The following VPS13B variants were observed in gnomAD, a reference collection of about 807,000 sequenced individuals.
The protein encoded by VPS13B is vacuolar protein sorting 13 homolog B, also known as intermembrane lipid transfer protein VPS13B.
In VPS13B, 285 loss-of-function variants were observed where a neutral mutation model predicts 426.4. The observed-to-expected ratio is 0.67, with a 90% CI of 0.61 to 0.74. The LOEUF (loss-of-function observed/expected upper bound fraction) is 0.74. Ranked by LOEUF, VPS13B falls within the 30% of genes least tolerant of loss-of-function variation. The pLI, the probability that VPS13B is intolerant of heterozygous loss-of-function variation, is 0.00. For missense variants in VPS13B, 4,537 were observed against 4,782.6 expected (o/e 0.95, Z 1.51); for synonymous variants, 1,676 against 1,676.4 (o/e 1.00, Z 0.01).
chr8:99,083,956 A>C (rs1427346486), intron 3 of VPS13B, among the ~76,000 whole-genome samples: 2 of 151,536 alleles, frequency 1.3e-5, no homozygotes, highest in Admixed American at 6.6e-5. Context: ...TGGTATCAGG[A>C]TGATGCTGGC....
intron 17 of VPS13B, among the ~76,000 whole-genome samples, chr8:99,197,668 TTTTA>T (rs1814019739): frequency 6.6e-6 from 1 of 152,206 alleles, no homozygotes; most frequent in African/African-American, 2.4e-5. Flanking sequence ...TTATTTTTAA[TTTTA>T]TTTATTTGAG....
chr8:99,363,805 G>T (rs189602559), intron 19 of VPS13B, among the ~76,000 whole-genome samples: 1 of 152,056 alleles, frequency 6.6e-6, no homozygotes, highest in African/African-American at 2.4e-5. Flanking sequence ...ACTGATTTTT[G>T]TATGTTGATT....
chr8:99,212,665 C>CTTCCTACCTTCT (rs1302428894), intron 17 of VPS13B, among the ~76,000 whole-genome samples: 1 of 151,988 alleles, frequency 6.6e-6, no homozygotes, highest in East Asian at 1.9e-4. Context: ...GTCTTTTTCT[C>CTTCCTACCTTCT]TTCTTCTTCC....
chr8:99,326,452 C>CTTGTTTTTTTTTTTTTTTTTT (rs1810267861), intron 19 of VPS13B, among the ~76,000 whole-genome samples: 1 of 32,518 alleles, frequency 3.1e-5, no homozygotes, highest in Non-Finnish European at 5.2e-5. Context: ...CTCTAGGTAG[C>CTTGTTTTTTTTTTTTTTTTTT]TTTTTTTTTT....
chr8:99,590,385 A>G (rs1219239698), intron 33 of VPS13B, among the ~76,000 whole-genome samples: 1 of 151,868 alleles, frequency 6.6e-6, no homozygotes, highest in African/African-American at 2.4e-5. Flanking sequence ...TAGCTTTTGA[A>G]TTTGTTTGCT....
At chr8:99,659,024 G>C (rs1299946709) in intron 34 of VPS13B, among the ~76,000 whole-genome samples, 1 of 151,980 alleles carries the variant, frequency 6.6e-6, no homozygotes, top group Non-Finnish European at 1.5e-5. Flanking sequence ...TTGTAGAGCT[G>C]GGGTTTCACC....
In VPS13B at chr8:99,014,037, T is replaced by C. The variant is rs1587912807; in HGVS notation, c.147+102T>C. The C allele has an allele frequency of 2.7e-6, 4 of 1,500,018 alleles. No homozygotes were observed. In the East Asian group the frequency reaches 9.1e-5, roughly 34 times the overall value. The allele number at this position is 1,500,018 out of a possible 1,614,324, so 92.9% of individuals were successfully genotyped here. A position where few individuals can be genotyped will look rare whatever the true frequency, so the allele number is the denominator to read the frequency against. On this transcript the variant is annotated intron_variant, in intron 2 of 61. Transcript: ENST00000357162. ...GACTTTATGCTGTAAAAACGTAACTTTTCTACTGATGTATTTTGAGCTACC... is the reference window on the plus strand; with the variant it reads ...GACTTTATGCTGTAAAAACGTAACTCTTCTACTGATGTATTTTGAGCTACC...
intron 17 of VPS13B, chr8:99,234,188 G>C (rs1816513635): frequency 3.9e-6 from 3 of 779,202 alleles, no homozygotes; most frequent in Admixed American, 3.4e-5. Context: ...AGGAAATCTT[G>C]AAGGAATAGT....
chr8:99,202,845 C>T (rs960089477), intron 17 of VPS13B, among the ~76,000 whole-genome samples: 12 of 151,806 alleles, frequency 7.9e-5, no homozygotes, highest in Non-Finnish European at 1.6e-4. Flanking sequence ...CTGGCTAACA[C>T]GGTGAAACCC....
In VPS13B at chr8:99,836,309, A is replaced by G. The variant is rs543754412; in HGVS notation, c.9942+571A>G. On this transcript the variant is annotated intron_variant, in intron 54 of 61. Coordinates refer to ENST00000357162, the MANE Select transcript of VPS13B (RefSeq NM_152564.5). ...TAAAATTTACCATTTGTTAGTGTATAATTTAGTGACATTAAATATATTTAT... is the reference window on the plus strand; with the variant it reads ...TAAAATTTACCATTTGTTAGTGTATGATTTAGTGACATTAAATATATTTAT... 5.3e-3 allele frequency among the ~76,000 whole-genome samples: 805 copies of G among 152,294 alleles called. 1 individual carries two copies. The highest frequency in any genetic ancestry group is 0.02 in the Middle Eastern group (6 of 294).
chr8:99,360,626 G>A (rs546934656), intron 19 of VPS13B, among the ~76,000 whole-genome samples: 1 of 152,072 alleles, frequency 6.6e-6, no homozygotes, highest in African/African-American at 2.4e-5. Flanking sequence ...AACAAAATAC[G>A]ACTTCTTAAT....
chr8:99,386,132 C>A (rs946580097), intron 20 of VPS13B, among the ~76,000 whole-genome samples: 2 of 152,020 alleles, frequency 1.3e-5, no homozygotes, highest in Non-Finnish European at 2.9e-5. Flanking sequence ...ATTGTAAATT[C>A]TTGATTGGTT....
chr8:99,385,664 A>G (rs575839780), intron 20 of VPS13B, among the ~76,000 whole-genome samples: 1 of 152,300 alleles, frequency 6.6e-6, no homozygotes, highest in East Asian at 1.9e-4. Context: ...GGATATAGTA[A>G]TGCCATTTTT....
At chr8:99,536,901 A>G in intron 30 of VPS13B, 1 of 461,104 alleles carries the variant, frequency 2.2e-6, no homozygotes, top group Non-Finnish European at 4.5e-6. Flanking sequence ...AAAAAGTAAC[A>G]TGCATAGAGT....
Position 99,638,914 on chromosome 8 carries a change from T to G in VPS13B, c.5221-2897T>G, listed in dbSNP as rs190310837. Among the ~76,000 whole-genome samples the G allele has an allele frequency of 4.8e-3, 737 of 152,318 alleles. 5 individuals are homozygous for G. Among genetic ancestry groups the G allele is most frequent in the Non-Finnish European group, 7.6e-3 (516 of 68,020 alleles). ...AAACATTCGTGGATTCTCTTCAGTG[T>G]GCTAGGCACTGCCCTGCTCTTCAGT... On this transcript the variant is annotated intron_variant, in intron 33 of 61. Coordinates refer to ENST00000357162, the MANE Select transcript of VPS13B (RefSeq NM_152564.5).
At chr8:99,741,704 C>A (rs1809733404) in intron 39 of VPS13B, among the ~76,000 whole-genome samples, 1 of 152,206 alleles carries the variant, frequency 6.6e-6, no homozygotes, top group South Asian at 2.1e-4. Flanking sequence ...GGAAAGTGAA[C>A]AACCTGCTCC....
chr8:99,348,872 GT>G (rs1811699916), intron 19 of VPS13B, among the ~76,000 whole-genome samples: 2 of 151,924 alleles, frequency 1.3e-5, no homozygotes, highest in Non-Finnish European at 2.9e-5. Flanking sequence ...AATTGGAGGA[GT>G]TTTTTTGTAG....
At chr8:99,415,900 C>G (rs1815974241) in intron 21 of VPS13B, among the ~76,000 whole-genome samples, 2 of 152,142 alleles carry the variant, frequency 1.3e-5, no homozygotes, top group Admixed American at 6.5e-5. Flanking sequence ...GGTCGGGGAC[C>G]CACTTGAGGA....
At chr8:99,502,979 A>G in intron 27 of VPS13B, 29 bp downstream of exon 27, 1 of 1,521,588 alleles carries the variant, frequency 6.6e-7, no homozygotes, top group Non-Finnish European at 9.1e-7. Flanking sequence ...ATATAAGAAA[A>G]TCTGTATTTT....
Sources: gnomAD v4.1 joint callset for allele counts (sites outside exome capture counted in the v4.1 genomes callset) on GRCh38, gnomAD v4.1.1 for gene constraint, MANE v1.5 for transcripts, NCBI Gene and HGNC (gene_info 2026-07-23, HGNC 2026-07-21) for gene names.